FFAR4: variants seen among roughly 807,000 people sequenced by gnomAD.
FFAR4 encodes the protein G-protein coupled receptor 120.
FFAR4 carries 19 observed loss-of-function variants against 27.0 expected under a neutral mutation model. The observed-to-expected ratio is 0.70, with a 90% CI of 0.49 to 1.03. FFAR4 has a LOEUF of 1.03. Among genes scored for constraint, FFAR4 ranks in the 50% least tolerant of loss-of-function variants. The pLI is 0.00. For missense variants in FFAR4, 476 were observed against 479.0 expected (o/e 0.99, Z 0.06); for synonymous variants, 254 against 215.6 (o/e 1.18, Z -1.56).
intron 1 of FFAR4, among the ~76,000 whole-genome samples, chr10:93,567,760 C>T (rs77786357): frequency 0.019 from 2,853 of 152,170 alleles, 48 homozygotes; most frequent in Non-Finnish European, 0.03. Context: ...GAAGTTTACC[C>T]GTAATTCAAG....
At chr10:93,575,772 C>T (rs781756489) in intron 1 of FFAR4, among the ~76,000 whole-genome samples, 1 of 152,168 alleles carries the variant, frequency 6.6e-6, no homozygotes, top group Non-Finnish European at 1.5e-5. Flanking sequence ...GCTCGAAAGC[C>T]CTTTGCATGT....
chr10:93,570,188 T>TCA (rs76165485), intron 1 of FFAR4, among the ~76,000 whole-genome samples: 19,997 of 148,638 alleles, frequency 0.13, 1,499 homozygotes, highest in East Asian at 0.33. Context: ...TCTGTCTCTC[T>TCA]CACACACACA....
chr10:93,567,113 G>C lies in FFAR4; in HGVS notation c.393G>C (p.Ala131=). The C allele has an allele frequency of 2.5e-6, 4 of 1,608,706 alleles. No homozygotes were observed. Among genetic ancestry groups the C allele is most frequent in the Non-Finnish European group, 2.5e-6 (3 of 1,178,744 alleles). Residue 131 remains alanine, a synonymous_variant, in exon 1 of 3, where the codon GCG becomes GCC. Coordinates refer to ENST00000371481, the MANE Select transcript of FFAR4 (RefSeq NM_001195755.2). ...SGSVTILTLA[A]VSLERMVCIV... The stretch of plus-strand genomic sequence containing the variant: ...GCGTCACCATCCTCACGCTGGCCGC[G>C]GTCAGCCTGGAGCGCATGGTGTGCA...
chr10:93,578,434 A>AC (rs1564783907), intron 2 of FFAR4, among the ~76,000 whole-genome samples: 1 of 150,262 alleles, frequency 6.7e-6, no homozygotes, highest in African/African-American at 2.4e-5. Context: ...AAAAAAAAAA[A>AC]AAAAAAACGA....
Position 93,570,963 on chromosome 10 carries a change from G to A in FFAR4, c.567+3676G>A, listed in dbSNP as rs2058128581. ...AACCAACCTTACCGGATCATCATGGGCACTCATGTTCAGTAAATGGGCCAA... is the reference window on the plus strand; with the variant it reads ...AACCAACCTTACCGGATCATCATGGACACTCATGTTCAGTAAATGGGCCAA... On this transcript the variant is annotated intron_variant, in intron 1 of 2. Transcript: ENST00000371481. Among the ~76,000 whole-genome samples, 4 of 152,092 alleles carry A rather than the reference G, an allele frequency of 2.6e-5. No individual in the cohort carries two copies. The South Asian group carries it at 8.3e-4, about 32-fold the overall frequency.
chr10:93,576,119 C>T lies in FFAR4; in HGVS notation c.596C>T (p.Pro199Leu). The T allele has an allele frequency of 6.2e-7, 1 of 1,613,788 alleles. No individual in the cohort carries two copies. Among genetic ancestry groups the T allele is most frequent in the South Asian group, 1.1e-5 (1 of 91,044 alleles). The change falls in exon 2 of 3, where the codon CCC (proline) becomes CTC (leucine). Residue 199 changes from proline (P) to leucine (L), a missense_variant. Pro to Leu is a moderately conservative substitution (Grantham distance 98). Transcript: ENST00000371481. ...QEISICTLIWPTIPGEISWDV... is the reference protein window; with the variant it reads ...QEISICTLIWLTIPGEISWDV... ...ATTTCGATTTGCACACTGATTTGGC[C>T]CACCATTCCTGGAGAGATCTCGTGG...
intron 2 of FFAR4, among the ~76,000 whole-genome samples, chr10:93,580,277 C>T (rs1479011369): frequency 6.6e-6 from 1 of 152,228 alleles, no homozygotes; most frequent in Non-Finnish European, 1.5e-5. Flanking sequence ...GGCATAATAA[C>T]AGACAATTCA....
intron 1 of FFAR4, among the ~76,000 whole-genome samples, chr10:93,573,085 C>A (rs1375210954): frequency 6.6e-6 from 1 of 152,212 alleles, no homozygotes; most frequent in Non-Finnish European, 1.5e-5. Flanking sequence ...GCTCTACCCT[C>A]TCTGGTCCTC....
At chr10:93,583,907 C>T (rs1294722033) in intron 2 of FFAR4, among the ~76,000 whole-genome samples, 1 of 152,240 alleles carries the variant, frequency 6.6e-6, no homozygotes, top group East Asian at 1.9e-4. Context: ...CGACACTACA[C>T]CAGGGACCCT....
intron 1 of FFAR4, among the ~76,000 whole-genome samples, chr10:93,570,646 C>A (rs1318826545): frequency 2.0e-5 from 3 of 152,310 alleles, no homozygotes; most frequent in East Asian, 1.9e-4. Flanking sequence ...CCCCTTAGAG[C>A]TTCTGCCGAC....
At chr10:93,583,415 CAAAA>C (rs56306969) in intron 2 of FFAR4, among the ~76,000 whole-genome samples, 6 of 111,176 alleles carry the variant, frequency 5.4e-5, no homozygotes, top group Non-Finnish European at 9.4e-5. Context: ...GACTCCGCTT[CAAAA>C]AAAAAAAAAA....
chr10:93,581,283 G>A (rs2058195875), intron 2 of FFAR4, among the ~76,000 whole-genome samples: 1 of 152,228 alleles, frequency 6.6e-6, no homozygotes, highest in Admixed American at 6.5e-5. Context: ...GTGTTAGACA[G>A]TGAACACAAA....
At chr10:93,586,078 TG>T (rs1190894774) in intron 2 of FFAR4, among the ~76,000 whole-genome samples, 6 of 152,172 alleles carry the variant, frequency 3.9e-5, no homozygotes, top group Admixed American at 2.0e-4. Flanking sequence ...GGGAGTGATA[TG>T]GTTTGGCTGT....
chr10:93,580,927 C>A (rs142123829), intron 2 of FFAR4, among the ~76,000 whole-genome samples: 116 of 152,356 alleles, frequency 7.6e-4, no homozygotes, highest in African/African-American at 2.7e-3. Flanking sequence ...AACCTCCCAG[C>A]GACTTCTAAG....
intron 2 of FFAR4, among the ~76,000 whole-genome samples, chr10:93,585,637 C>T (rs904193968): frequency 1.3e-5 from 2 of 152,224 alleles, no homozygotes; most frequent in Admixed American, 6.5e-5. Flanking sequence ...GGTCTGGTCT[C>T]CCACAAGGAC....
intron 2 of FFAR4, 72 bp downstream of exon 2, chr10:93,576,291 T>G: frequency 1.4e-5 from 22 of 1,560,062 alleles, no homozygotes; most frequent in Non-Finnish European, 1.9e-5. Flanking sequence ...ATCTTAGAAT[T>G]TGGGGTCGGA....
chr10:93,567,642 T>G (rs993791226), intron 1 of FFAR4, among the ~76,000 whole-genome samples: 1 of 152,154 alleles, frequency 6.6e-6, no homozygotes, highest in African/African-American at 2.4e-5. Flanking sequence ...TACAATACTG[T>G]TATTATCACA....
rs142310258 is a variant in FFAR4 at position 93,579,599 on chromosome 10, C to T, written c.696+3380C>T. 2.3e-3 allele frequency among the ~76,000 whole-genome samples: 356 copies of T among 152,318 alleles called. 2 individuals carry two copies. Among genetic ancestry groups the T allele is most frequent in the African/African-American group, 8.0e-3 (332 of 41,570 alleles). ...AATTTATGACAGTCATCTGTCTTGC[C>T]CACTACAATGCAAGCTCCATGAGAG... On this transcript the variant is annotated intron_variant, in intron 2 of 2. Transcript: ENST00000371481.
At chr10:93,584,200 A>C (rs1408798053) in intron 2 of FFAR4, among the ~76,000 whole-genome samples, 1 of 152,090 alleles carries the variant, frequency 6.6e-6, no homozygotes, top group Admixed American at 6.5e-5. Context: ...TGGATGTGCC[A>C]ATATGGCCTC....
Sources: allele counts gnomAD v4.1 joint callset (sites outside exome capture counted in the v4.1 genomes callset), GRCh38; gene constraint gnomAD v4.1.1; transcripts MANE v1.5; gene names NCBI Gene and HGNC (gene_info 2026-07-23, HGNC 2026-07-21).